The following RBPMS variants were observed in gnomAD, a reference collection of about 807,000 sequenced individuals.
The protein encoded by RBPMS is RNA-binding protein with multiple splicing.
RBPMS carries 7 observed loss-of-function variants against 26.8 expected under a neutral mutation model. The observed-to-expected ratio is 0.26, with a 90% CI of 0.15 to 0.49. RBPMS has a LOEUF of 0.49. RBPMS is among the 20% of genes least tolerant of loss of function. RBPMS has a pLI of 0.98. For synonymous variants in RBPMS, 96 were observed against 93.3 expected, an observed-to-expected ratio of 1.03 and a Z score of -0.17; for missense variants, 186 against 250.0, an observed-to-expected ratio of 0.74 and a Z score of 1.73.
At chr8:30,460,354 A>G (rs1815741070) in intron 1 of RBPMS, among the ~76,000 whole-genome samples, 1 of 152,230 alleles carries the variant, frequency 6.6e-6, no homozygotes, top group Admixed American at 6.5e-5. Flanking sequence ...GTTGTGTTCT[A>G]AAAACTTGTA....
chr8:30,433,391 A>T (rs1812139915), intron 1 of RBPMS, among the ~76,000 whole-genome samples: 1 of 152,184 alleles, frequency 6.6e-6, no homozygotes, highest in Non-Finnish European at 1.5e-5. Context: ...TTGGGTTGTC[A>T]TATGTAGTTT....
chr8:30,485,030 C>T (rs1395102759), intron 4 of RBPMS, among the ~76,000 whole-genome samples: 3 of 152,180 alleles, frequency 2.0e-5, no homozygotes, highest in South Asian at 4.1e-4. Context: ...TGCAAATGCT[C>T]TGTAAGTAAA....
At chr8:30,411,751 A>G (rs1055376062) in intron 1 of RBPMS, among the ~76,000 whole-genome samples, 1 of 151,972 alleles carries the variant, frequency 6.6e-6, no homozygotes, top group South Asian at 2.1e-4. Context: ...TGGGACGCCA[A>G]GGCGGGTGGA....
At chr8:30,472,745 G>A (rs767754415) in intron 1 of RBPMS, among the ~76,000 whole-genome samples, 3 of 152,114 alleles carry the variant, frequency 2.0e-5, no homozygotes, top group East Asian at 1.9e-4. Context: ...TTGGTGATTC[G>A]CACTTCTGTG....
At chr8:30,546,952 C>T (rs1410631115) in intron 6 of RBPMS, among the ~76,000 whole-genome samples, 1 of 152,192 alleles carries the variant, frequency 6.6e-6, no homozygotes, top group East Asian at 1.9e-4. Flanking sequence ...CTCCGAGGTG[C>T]TGGCTCACCA....
intron 2 of RBPMS, among the ~76,000 whole-genome samples, chr8:30,476,854 T>G (rs1209496858): frequency 6.6e-6 from 1 of 151,564 alleles, no homozygotes; most frequent in Non-Finnish European, 1.5e-5. Context: ...AGAGAGGGAG[T>G]GAAAGAGGGA....
intron 1 of RBPMS, among the ~76,000 whole-genome samples, chr8:30,426,510 A>T (rs1440799374): frequency 6.6e-6 from 1 of 152,118 alleles, no homozygotes; most frequent in Non-Finnish European, 1.5e-5. Flanking sequence ...TGGGGTCCTG[A>T]ATAGGTAGCA....
At chr8:30,551,144 C>T (rs1439809470) in intron 6 of RBPMS, among the ~76,000 whole-genome samples, 1 of 152,026 alleles carries the variant, frequency 6.6e-6, no homozygotes, top group African/African-American at 2.4e-5. Flanking sequence ...GATGCTCTCT[C>T]CCTGGTGACC....
At chr8:30,463,896 C>T (rs1816218650) in intron 1 of RBPMS, among the ~76,000 whole-genome samples, 2 of 152,146 alleles carry the variant, frequency 1.3e-5, no homozygotes, top group African/African-American at 4.8e-5. Flanking sequence ...AGCCTGTAAT[C>T]CCAGGACTTG....
Position 30,518,687 on chromosome 8 carries a change from C to CTTTTTTTTTTTTTTTTTTTTTTTT in RBPMS, c.397+14256_397+14279dup, listed in dbSNP as rs58763494. ...CAGTGATCCGCCCGGCCAAGCATGA[C>CTTTTTTTTTTTTTTTTTTTTTTTT]TTTTTTTTTTTTTTTTTTTTTTTTT... is the stretch of plus-strand genomic sequence containing the variant. On this transcript the variant is annotated intron_variant, in intron 5 of 8. Coordinates refer to ENST00000397323, the MANE Select transcript of RBPMS (RefSeq NM_001008710.3). 7.7e-4 allele frequency among the ~76,000 whole-genome samples: 14 copies of CTTTTTTTTTTTTTTTTTTTTTTTT among 18,244 alleles called. 7 individuals carry two copies. The highest frequency in any genetic ancestry group is 1.5e-3 in the African/African-American group (8 of 5,184). 12.0% of individuals were successfully genotyped at this position (18,244 alleles called of 152,430 possible). A position where few individuals can be genotyped will look rare whatever the true frequency, so the allele number is the denominator to read the frequency against.
chr8:30,554,266 A>G (rs927823666), intron 6 of RBPMS, among the ~76,000 whole-genome samples: 14 of 152,144 alleles, frequency 9.2e-5, no homozygotes, highest in African/African-American at 3.4e-4. Flanking sequence ...GAAGCATGCA[A>G]ATGGCACAGC....
In RBPMS at chr8:30,513,751, A is replaced by ACAAT. The variant is rs1821986195; in HGVS notation, c.397+9317_397+9320dup. Among the ~76,000 whole-genome samples the ACAAT allele has an allele frequency of 3.3e-5, 5 of 152,148 alleles. No homozygotes were observed. The South Asian group carries it at 1.0e-3, about 32-fold the overall frequency. On this transcript the variant is annotated intron_variant, in intron 5 of 8. Transcript: ENST00000397323. ...GAGTAAAGGGAGTTGATTTACTGGG[A>ACAAT]CAATCCAAAAGAAATACAAGCTTAA...
intron 5 of RBPMS, among the ~76,000 whole-genome samples, chr8:30,518,053 G>T (rs1019707584): frequency 6.6e-6 from 1 of 152,200 alleles, no homozygotes; most frequent in Non-Finnish European, 1.5e-5. Context: ...TTTGTTCTGT[G>T]AATAGGAGGA....
intron 4 of RBPMS, among the ~76,000 whole-genome samples, chr8:30,497,370 C>T (rs1412933245): frequency 1.3e-5 from 2 of 151,986 alleles, no homozygotes. Flanking sequence ...TGGTGAAATC[C>T]CGTCTCTACT....
chr8:30,446,791 T>G (rs1813829489), intron 1 of RBPMS, among the ~76,000 whole-genome samples: 1 of 137,846 alleles, frequency 7.3e-6, no homozygotes, highest in African/African-American at 2.7e-5. Flanking sequence ...CCACCACACA[T>G]GGCTTGTGTG....
At chr8:30,479,527 T>G (rs1818055395) in intron 4 of RBPMS, 150 bp downstream of exon 4, 1 of 686,116 alleles carries the variant, frequency 1.5e-6, no homozygotes, top group Non-Finnish European at 2.6e-6. Flanking sequence ...TCTAAAGAGC[T>G]TTTTCCAAGA....
intron 1 of RBPMS, among the ~76,000 whole-genome samples, chr8:30,470,245 G>A (rs934869481): frequency 7.9e-5 from 12 of 151,910 alleles, no homozygotes; most frequent in African/African-American, 2.7e-4. Context: ...TTAGCTGAGC[G>A]TGGTGGTGGG....
rs745329499 is a variant in RBPMS, at chr8:30,516,931, TGA to T, written c.397+12497_397+12498del. ...ACACACACACACACACAGACACACA[TGA>T]GTTTTCCTCATGTGAATTGATTTTT... is the stretch of plus-strand genomic sequence containing the variant. On this transcript the variant is annotated intron_variant, in intron 5 of 8. Transcript: ENST00000397323. Among the ~76,000 whole-genome samples, 13 of 106,464 alleles carry T rather than the reference TGA, an allele frequency of 1.2e-4. No individual in the cohort carries two copies. The East Asian group carries it at 1.9e-3, about 15-fold the overall frequency. 69.8% of individuals were successfully genotyped at this position (106,464 alleles called of 152,430 possible). A position where few individuals can be genotyped will look rare whatever the true frequency, so the allele number is the denominator to read the frequency against.
At position 30,556,702 on chromosome 8, in the gene RBPMS, C is replaced by T. The variant is rs537398497; in HGVS notation, c.529-2185C>T. ...CCATGGGGGCTCTGTGTCCCCGCCC[C>T]GTCCTTTCCCACCTGTCTCAGGAAG... On this transcript the variant is annotated intron_variant, in intron 6 of 8. Coordinates refer to ENST00000397323, the MANE Select transcript of RBPMS (RefSeq NM_001008710.3). The T allele has an allele frequency of 2.2e-4, 216 of 986,114 alleles. No homozygotes were observed. In the South Asian group the frequency reaches 3.0e-3, roughly 14 times the overall value. 61.1% of individuals were successfully genotyped at this position (986,114 alleles called of 1,614,324 possible).
Sources: gnomAD v4.1 joint callset for allele counts (sites outside exome capture counted in the v4.1 genomes callset) on GRCh38, gnomAD v4.1.1 for gene constraint, MANE v1.5 for transcripts, NCBI Gene and HGNC (gene_info 2026-07-23, HGNC 2026-07-21) for gene names.